Variants in KCNMA1 observed in about 807,000 individuals in gnomAD.
KCNMA1 encodes the protein potassium calcium-activated channel subfamily M alpha 1.
A neutral mutation model predicts 140.0 loss-of-function variants in KCNMA1; 29 were observed. The observed-to-expected ratio is 0.21, with a 90% confidence interval of 0.15 to 0.28. The LOEUF is 0.28. KCNMA1 is among the 10% of genes least tolerant of loss of function. KCNMA1 has a pLI of 1.00. For synonymous variants in KCNMA1, 612 were observed against 611.9 expected, an observed-to-expected ratio of 1.00 and a Z score of 0.00; for missense variants, 880 against 1,602.2, an observed-to-expected ratio of 0.55 and a Z score of 7.70.
At chr10:77,169,230 T>TG (rs1352281914) in intron 5 of KCNMA1, among the ~76,000 whole-genome samples, 3 of 152,038 alleles carry the variant, frequency 2.0e-5, no homozygotes, top group Non-Finnish European at 4.4e-5. Context: ...GGAACATATC[T>TG]GAGATTGGGT....
intron 27 of KCNMA1, among the ~76,000 whole-genome samples, chr10:76,889,184 G>C (rs553066606): frequency 5.3e-5 from 8 of 152,334 alleles, no homozygotes; most frequent in Middle Eastern, 3.4e-3. Context: ...AGAGATGTTT[G>C]TGTATTCAGA....
intron 2 of KCNMA1, among the ~76,000 whole-genome samples, chr10:77,275,080 G>A (rs1329346884): frequency 6.6e-6 from 1 of 152,174 alleles, no homozygotes; most frequent in Non-Finnish European, 1.5e-5. Context: ...GTGTGGAGGG[G>A]CTTTTCTTTT....
At chr10:76,963,413 T>G (rs370911920) in intron 20 of KCNMA1, among the ~76,000 whole-genome samples, 38 of 152,288 alleles carry the variant, frequency 2.5e-4, no homozygotes, top group African/African-American at 8.4e-4. Flanking sequence ...TGCTAAAGTA[T>G]AAGAACCACC....
chr10:77,068,503 C>T (rs2153694519), intron 14 of KCNMA1, among the ~76,000 whole-genome samples: 1 of 152,036 alleles, frequency 6.6e-6, no homozygotes, highest in East Asian at 1.9e-4. Flanking sequence ...AGTGCATTCT[C>T]ATTCAGAAAC....
At chr10:77,166,621 AAGGAGAAGGAGGGAGAGGGAG>A (rs1279954220) in intron 5 of KCNMA1, among the ~76,000 whole-genome samples, 2 of 151,978 alleles carry the variant, frequency 1.3e-5, no homozygotes, top group East Asian at 3.9e-4. Flanking sequence ...GGGAAAAGAA[AAGGAGAAGGAGGGAGAGGGAG>A]AGGAGAAGGA....
intron 2 of KCNMA1, among the ~76,000 whole-genome samples, chr10:77,321,778 T>C (rs999298550): frequency 6.6e-6 from 1 of 152,156 alleles, no homozygotes; most frequent in Non-Finnish European, 1.5e-5. Flanking sequence ...AACCATGTTC[T>C]TTCTGCTTCA....
Position 77,637,586 on chromosome 10 carries a change from T to TCCGCCG in KCNMA1, c.51_56dup (p.Gly19_Gly20dup), listed in dbSNP as rs760628050. On this transcript the variant is annotated inframe_insertion, in exon 1 of 28. Transcript: ENST00000286628. ...TGCTACTCATTCTAAGACTGCTGCCTCCGCCGCCGCCGCCGCCGCCGCTGC... is the reference window on the plus strand; with the variant it reads ...TGCTACTCATTCTAAGACTGCTGCCTCCGCCGCCGCCGCCGCCGCCGCCGCCGCTGC... 1.0e-4 allele frequency: 152 copies of TCCGCCG among 1,524,752 alleles called. No individual in the cohort carries two copies. Among genetic ancestry groups the TCCGCCG allele is most frequent in the African/African-American group, 1.9e-4 (14 of 72,040 alleles). 94.5% of individuals were successfully genotyped at this position (1,524,752 alleles called of 1,614,324 possible). A position where few individuals can be genotyped will look rare whatever the true frequency, so the allele number is the denominator to read the frequency against.
chr10:76,941,018 G>GAAAGAAAGAAAGAAAGAGAAAGAAAGA (rs2061877247), intron 23 of KCNMA1, among the ~76,000 whole-genome samples: 1 of 38,236 alleles, frequency 2.6e-5, no homozygotes, highest in African/African-American at 1.3e-4. Context: ...AGGAAGGAAG[G>GAAAGAAAGAAAGAAAGAGAAAGAAAGA]AAGAAAGAAA....
At chr10:77,507,675 T>G (rs1355204378) in intron 1 of KCNMA1, among the ~76,000 whole-genome samples, 1 of 152,200 alleles carries the variant, frequency 6.6e-6, no homozygotes. Context: ...CAGACTGCCT[T>G]CCTGTTTTTC....
At chr10:77,508,437 G>A (rs1159444980) in intron 1 of KCNMA1, among the ~76,000 whole-genome samples, 2 of 150,294 alleles carry the variant, frequency 1.3e-5, no homozygotes, top group East Asian at 2.0e-4. Flanking sequence ...TGCCTGCCTC[G>A]GCCTCCCAAA....
At chr10:76,940,261 C>A (rs919679451) in intron 23 of KCNMA1, among the ~76,000 whole-genome samples, 8 of 152,180 alleles carry the variant, frequency 5.3e-5, no homozygotes, top group African/African-American at 1.9e-4. Flanking sequence ...GGTCCAGAAT[C>A]CCTAGGCTGG....
intron 3 of KCNMA1, among the ~76,000 whole-genome samples, chr10:77,221,610 C>T (rs1020626868): frequency 1.9e-4 from 29 of 152,162 alleles, no homozygotes; most frequent in African/African-American, 6.0e-4. Flanking sequence ...GTGATTATTA[C>T]ATAATAAGTG....
At chr10:77,363,862 T>C (rs1649285311) in intron 2 of KCNMA1, among the ~76,000 whole-genome samples, 1 of 152,218 alleles carries the variant, frequency 6.6e-6, no homozygotes, top group Admixed American at 6.5e-5. Flanking sequence ...TTATTCCCAC[T>C]CCTGCCCCCT....
chr10:77,392,389 C>T (rs969112631), intron 2 of KCNMA1, among the ~76,000 whole-genome samples: 1 of 152,110 alleles, frequency 6.6e-6, no homozygotes, highest in Non-Finnish European at 1.5e-5. Flanking sequence ...CAGAACTGCA[C>T]AGGATGTGCA....
At chr10:77,566,125 C>T (rs1209877984) in intron 1 of KCNMA1, among the ~76,000 whole-genome samples, 1 of 150,590 alleles carries the variant, frequency 6.6e-6, no homozygotes, top group Admixed American at 6.6e-5. Context: ...AGTGGAATAG[C>T]AAAAATAGGC....
intron 3 of KCNMA1, among the ~76,000 whole-genome samples, chr10:77,235,727 T>C (rs2055212253): frequency 6.6e-6 from 1 of 152,212 alleles, no homozygotes; most frequent in Non-Finnish European, 1.5e-5. Context: ...AGTAGCATTT[T>C]CCTCTCCTCT....
chr10:77,379,183 C>A (rs888208908), intron 2 of KCNMA1, among the ~76,000 whole-genome samples: 1 of 152,138 alleles, frequency 6.6e-6, no homozygotes, highest in Non-Finnish European at 1.5e-5. Flanking sequence ...TCTTGATACA[C>A]CTGCTTGACG....
chr10:77,573,731 C>G (rs1209849647), intron 1 of KCNMA1, among the ~76,000 whole-genome samples: 1 of 150,510 alleles, frequency 6.6e-6, no homozygotes, highest in Non-Finnish European at 1.5e-5. Context: ...TAGAATAGGT[C>G]TGTACCTCGC....
intron 18 of KCNMA1, among the ~76,000 whole-genome samples, chr10:77,004,216 CACA>C (rs2087567137): frequency 2.2e-5 from 1 of 46,134 alleles, no homozygotes; most frequent in African/African-American, 5.9e-5. Flanking sequence ...AGTGCCACCA[CACA>C]CACACACACA....
Sources: allele counts gnomAD v4.1 joint callset (sites outside exome capture counted in the v4.1 genomes callset), GRCh38; gene constraint gnomAD v4.1.1; transcripts MANE v1.5; gene names NCBI Gene and HGNC (gene_info 2026-07-23, HGNC 2026-07-21).